HR: variants seen among roughly 807,000 people sequenced by gnomAD.
HR encodes the protein lysine-specific demethylase hairless.
In HR, 83 loss-of-function variants were observed where a neutral mutation model predicts 128.6. The observed-to-expected ratio is 0.65, with a 90% CI of 0.54 to 0.77. HR has a LOEUF of 0.77. Ranked by LOEUF, HR falls within the 30% of genes least tolerant of loss-of-function variation. The pLI is 0.00. For missense variants in HR, 1,490 were observed against 1,574.6 expected (o/e 0.95, Z 0.91); for synonymous variants, 681 against 658.2 (o/e 1.03, Z -0.53).
rs1365312400 is a variant in HR at position 22,114,814 on chromosome 8, T to C, written c.*886A>G. On this transcript the variant is annotated 3_prime_UTR_variant, in exon 19 of 19. Coordinates refer to ENST00000381418, the MANE Select transcript of HR (RefSeq NM_005144.5). Reference sequence around the variant, plus strand: ...GCACAGGGAGGTCACCTCGTGGCTGTGCCCCAGGACTCTGCCTTGCCTGCT... The same window carrying C: ...GCACAGGGAGGTCACCTCGTGGCTGCGCCCCAGGACTCTGCCTTGCCTGCT... The C allele has an allele frequency of 6.6e-6, 1 of 152,394 alleles. No individual in the cohort carries two copies. Among genetic ancestry groups the C allele is most frequent in the Non-Finnish European group, 1.5e-5 (1 of 68,184 alleles). 9.4% of individuals were successfully genotyped at this position (152,394 alleles called of 1,614,324 possible).
rs542691935 is a variant in HR, at chr8:22,129,177, C to T, written c.-7G>A. On this transcript the variant is annotated 5_prime_UTR_variant, in exon 2 of 19. Transcript: ENST00000381418. ...AGCTGGGCGTACTCTCCATCACTCT[C>T]CTGCCCTCATGGGGCTCTCCCAGAG... 1.6e-5 allele frequency: 24 copies of T among 1,524,976 alleles called. No homozygotes were observed. The South Asian group carries it at 2.9e-4, about 19-fold the overall frequency. The allele number at this position is 1,524,976 out of a possible 1,614,324, so 94.5% of individuals were successfully genotyped here.
chr8:22,127,771 G>C lies in HR; in HGVS notation c.671C>G (p.Ala224Gly). 6.2e-7 allele frequency: 1 copy of C among 1,600,406 alleles called. No homozygotes were observed. Reference sequence around the variant, plus strand: ...GTTTAAGCCAAACAACCCAGGTTCCGCAGCTGCCAAGGGCTCCTTTGCCAA... The same window carrying C: ...GTTTAAGCCAAACAACCCAGGTTCCCCAGCTGCCAAGGGCTCCTTTGCCAA... ...PRLAKEPLAA[A>G]EPGLFGLNSG... The change falls in exon 3 of 19, where the codon GCG becomes GGG. Residue 224 changes from alanine (A) to glycine (G), a missense_variant. Transcript: ENST00000381418.
intron 8 of HR, 70 bp downstream of exon 8, chr8:22,122,423 G>A (rs903653416): frequency 8.9e-6 from 10 of 1,119,892 alleles, no homozygotes; most frequent in African/African-American, 3.1e-5. Flanking sequence ...GAAAAGGGGG[G>A]GCCAAACCCC....
In HR at chr8:22,116,060, A is replaced by G. The variant is rs1424400264; in HGVS notation, c.3507+240T>C. Among the ~76,000 whole-genome samples the G allele has an allele frequency of 1.3e-5, 2 of 152,196 alleles. No homozygotes were observed. Among genetic ancestry groups the G allele is most frequent in the Admixed American group, 1.3e-4 (2 of 15,282 alleles). ...TGAGGCAGGAGAATCACTTGAACCC[A>G]GGAGGCGGAGGTTGCAGGGAGCTGA... On this transcript the variant is annotated intron_variant, in intron 18 of 18. Transcript: ENST00000381418. This position sits in a 1 kb window ranked among gnomAD's most constrained non-coding sequence, Gnocchi z 4.2.
intron 3 of HR, among the ~76,000 whole-genome samples, chr8:22,126,238 G>A (rs534008943): frequency 6.6e-6 from 1 of 151,542 alleles, no homozygotes; most frequent in South Asian, 2.1e-4. Context: ...TGGGCAGAGG[G>A]CACAGACAGG....
intron 6 of HR, 133 bp from the exon 7 acceptor site, chr8:22,123,012 C>T: frequency 1.2e-6 from 1 of 818,444 alleles, no homozygotes; most frequent in Non-Finnish European, 2.0e-6. Flanking sequence ...TCTGGGAAAC[C>T]TGGGTCACAT....
chr8:22,127,513 G>T lies in HR; in HGVS notation c.929C>A (p.Ala310Glu). 1 of 1,612,960 alleles carries T rather than the reference G, an allele frequency of 6.2e-7. No homozygotes were observed. Among genetic ancestry groups the T allele is most frequent in the Admixed American group, 1.7e-5 (1 of 60,020 alleles). ...GNLGYQLGPP[A>E]TPRCPSPEPP... is the part of the protein sequence containing the mutation. ...CTCAGGAGAGGGGCACCTTGGTGTT[G>T]CTGGTGGCCCCAGCTGGTACCCAAG... The change falls in exon 3 of 19, where the codon GCA (alanine) becomes GAA (glutamate). Residue 310 changes from alanine (A) to glutamate (E), a missense_variant. Ala to Glu is a moderately radical substitution (Grantham distance 107). Coordinates refer to ENST00000381418, the MANE Select transcript of HR (RefSeq NM_005144.5).
chr8:22,130,184 C>G (rs546538572), intron 1 of HR, among the ~76,000 whole-genome samples: 2 of 152,234 alleles, frequency 1.3e-5, no homozygotes, highest in Non-Finnish European at 2.9e-5. Context: ...TTGGCGCGGT[C>G]CCTTCGGCCA....
chr8:22,127,005 G>T (rs767607683), intron 3 of HR, 32 bp downstream of exon 3: 4 of 1,068,564 alleles, frequency 3.7e-6, no homozygotes, highest in Non-Finnish European at 5.8e-6. Context: ...CCCCTCCCAC[G>T]CAGGGCCTGC....
rs1265027649 is a variant in HR at position 22,128,724 on chromosome 8, G to A, written c.447C>T (p.Thr149=). 1.3e-6 allele frequency: 2 copies of A among 1,587,898 alleles called. No homozygotes were observed. The highest frequency in any genetic ancestry group is 1.1e-5 in the South Asian group (1 of 88,010). ...RPWHCPFLLE[T]KILERAPFWV... ...AGAAGGGAGCTCGCTCCAGGATCTTGGTCTCCAGAAGGAAAGGGCAGTGCC... is the reference window on the plus strand; with the variant it reads ...AGAAGGGAGCTCGCTCCAGGATCTTAGTCTCCAGAAGGAAAGGGCAGTGCC... The change falls in exon 2 of 19, where the codon ACC becomes ACT. Residue 149 remains threonine (T), a synonymous_variant. Transcript: ENST00000381418.
rs909328967 is a variant in HR at position 22,116,261 on chromosome 8, G to C, written c.3507+39C>G. ...TGTGGCACAGGGAGGTGGGAGGCTT[G>C]GGTAGCACACCCAGCCTGCTGGCCC... On this transcript the variant is annotated intron_variant, in intron 18 of 18. Transcript: ENST00000381418. The surrounding 1 kb of genome is among the most constrained non-coding windows in gnomAD (Gnocchi z 4.2). 3.7e-6 allele frequency: 6 copies of C among 1,611,014 alleles called. No homozygotes were observed. The highest frequency in any genetic ancestry group is 5.1e-6 in the Non-Finnish European group (6 of 1,179,612).
At position 22,118,942 on chromosome 8, in the gene HR, C is replaced by A; in HGVS notation, c.3213+8G>T. ...GGGGAAGGGGAGGGCTCCCGGCTGC[C>A]TCCTCACCATCTGGAGAAAGCGGCG... On this transcript the variant is annotated splice_region_variant and intron_variant, in intron 16 of 18. Coordinates refer to ENST00000381418, the MANE Select transcript of HR (RefSeq NM_005144.5). 1 of 1,609,802 alleles carries A rather than the reference C, an allele frequency of 6.2e-7. No individual in the cohort carries two copies. Among genetic ancestry groups the A allele is most frequent in the Non-Finnish European group, 8.5e-7 (1 of 1,178,852 alleles).
chr8:22,121,506 G>A lies in HR; in HGVS notation c.2203+107C>T. ...AGTAGTGGAGATTATTGGGGGTGGG[G>A]GGGAGTTGCTAAAGTCCCCGGAGAC... On this transcript the variant is annotated intron_variant, in intron 9 of 18. Transcript: ENST00000381418. The A allele has an allele frequency of 1.7e-6, 2 of 1,173,894 alleles. 1 individual carries two copies. The highest frequency in any genetic ancestry group is 2.4e-5 in the South Asian group (2 of 82,056). 72.7% of individuals were successfully genotyped at this position (1,173,894 alleles called of 1,614,324 possible). A position where few individuals can be genotyped will look rare whatever the true frequency, so the allele number is the denominator to read the frequency against.
chr8:22,115,961 C>T (rs916655162), intron 18 of HR, among the ~76,000 whole-genome samples, 199 bp from the exon 19 acceptor site: 4 of 151,970 alleles, frequency 2.6e-5, no homozygotes, highest in Non-Finnish European at 2.9e-5. Context: ...TGAAACCCCA[C>T]GTCTACTAAA....
rs776209171 is a variant in HR, at chr8:22,128,948, G to A, written c.223C>T (p.Leu75Phe). Residue 75 changes from leucine to phenylalanine, a missense_variant, in exon 2 of 19, where the codon CTT becomes TTT. Physicochemically the swap from Leu to Phe is conservative, Grantham distance 22. Around this residue, in one of 3 missense-constraint regions of HR, gnomAD observed 1,060 missense variants for 1,060.9 expected, o/e 1.00. Transcript: ENST00000381418. ...TTCTGGGGGCCCTCGCCCTCCACAA[G>A]TGGGAGCATGTCCTTGGGGCCCTGG... The part of the protein sequence containing the change: ...FPQGPKDMLP[L>F]VEGEGPQNGE... 4.3e-6 allele frequency: 7 copies of A among 1,613,480 alleles called. No individual in the cohort carries two copies. Among genetic ancestry groups the A allele is most frequent in the East Asian group, 2.2e-5 (1 of 44,888 alleles).
intron 14 of HR, 145 bp from the exon 15 acceptor site, chr8:22,119,428 A>G (rs1239763995): frequency 5.0e-6 from 6 of 1,210,890 alleles, no homozygotes; most frequent in Non-Finnish European, 7.0e-6. Context: ...CAACATGGAG[A>G]AACCCCCTCT....
In HR at chr8:22,125,366, T is replaced by C. The variant is rs1285190090; in HGVS notation, c.1695A>G (p.Arg565=). The C allele has an allele frequency of 1.1e-5, 18 of 1,607,008 alleles. No homozygotes were observed. Among genetic ancestry groups the C allele is most frequent in the Non-Finnish European group, 1.4e-5 (17 of 1,177,590 alleles). The change falls in exon 5 of 19, where the codon CGA becomes CGG. Residue 565 remains arginine, a synonymous_variant. Transcript: ENST00000381418. ...AKHLLSGLGD[R]LCRLLRRERE... ...GCTCCCTCCGCAGCAGGCGGCACAG[T>C]CGGTCCCCCAAACCACTGAGCAGGT...
At chr8:22,126,992 T>G in intron 3 of HR, 45 bp downstream of exon 3, 791 of 1,315,036 alleles carry the variant, frequency 6.0e-4, no homozygotes, top group Non-Finnish European at 7.9e-4. Flanking sequence ...CAGCCCCGGC[T>G]GCCCCCTCCC....
chr8:22,126,271 T>A (rs1215452298), intron 3 of HR, among the ~76,000 whole-genome samples: 5 of 152,196 alleles, frequency 3.3e-5, no homozygotes, highest in Admixed American at 3.3e-4. Context: ...GCAGGGCATT[T>A]GGGCAAGGCC....
Sources: allele counts gnomAD v4.1 joint callset (sites outside exome capture counted in the v4.1 genomes callset), GRCh38; gene constraint gnomAD v4.1.1; regional missense constraint gnomAD v4.1.1; non-coding constraint Gnocchi (gnomAD v3.1); transcripts MANE v1.5; gene names NCBI Gene and HGNC (gene_info 2026-07-23, HGNC 2026-07-21).